ACSBG2: variants seen among roughly 807,000 people sequenced by gnomAD.
ACSBG2 encodes acyl-CoA synthetase bubblegum family member 2.
Under a neutral mutation model 74.7 loss-of-function variants are expected in ACSBG2, and 62 were observed. The observed-to-expected ratio is 0.83, with a 90% CI of 0.68 to 1.03. The LOEUF (loss-of-function observed/expected upper bound fraction) is 1.03, where lower values mean the gene tolerates loss of function less well. Among genes scored for constraint, ACSBG2 ranks in the 50% least tolerant of loss-of-function variants. The pLI is 0.00. For synonymous variants in ACSBG2, 309 were observed against 294.1 expected (o/e 1.05, Z -0.52); for missense variants, 730 against 817.6 (o/e 0.89, Z 1.31).
intron 3 of ACSBG2, among the ~76,000 whole-genome samples, chr19:6,149,827 C>T (rs1485249649): frequency 2.1e-5 from 3 of 141,626 alleles, no homozygotes; most frequent in Non-Finnish European, 4.5e-5. Flanking sequence ...CCACCCACCT[C>T]GGCCTCCCAA....
intron 13 of ACSBG2, among the ~76,000 whole-genome samples, chr19:6,189,488 C>T (rs1011709322): frequency 1.3e-5 from 2 of 151,974 alleles, no homozygotes; most frequent in South Asian, 2.1e-4. Context: ...CAAATCCTGT[C>T]CCCTCTACAC....
At position 6,188,894 on chromosome 19, in the gene ACSBG2, C is replaced by T. The variant is rs566287426; in HGVS notation, c.1927+1049C>T. On this transcript the variant is annotated intron_variant, in intron 13 of 14. Coordinates refer to ENST00000588485, the MANE Select transcript of ACSBG2 (RefSeq NM_030924.5). The stretch of plus-strand genomic sequence containing the variant: ...AGATCAGTGGGCATCAGTAGTTTCA[C>T]TGGTATGCAGGACTTGAAAGGATAT... 1.8e-4 allele frequency among the ~76,000 whole-genome samples: 28 copies of T among 152,300 alleles called. No homozygotes were observed. The South Asian group carries it at 5.4e-3, about 29-fold the overall frequency.
At chr19:6,154,975 A>G (rs997529139) in intron 4 of ACSBG2, among the ~76,000 whole-genome samples, 2 of 152,228 alleles carry the variant, frequency 1.3e-5, no homozygotes, top group Non-Finnish European at 2.9e-5. Context: ...ACACATCTCC[A>G]TGCCTCACAG....
chr19:6,185,377 G>C, intron 10 of ACSBG2, 59 bp from the exon 11 acceptor site: 1 of 1,574,442 alleles, frequency 6.4e-7, no homozygotes, highest in Non-Finnish European at 8.7e-7. Flanking sequence ...GATCCAGGCA[G>C]AGCTGGGTGG....
chr19:6,187,449 G>A (rs775682930), intron 12 of ACSBG2, 27 bp downstream of exon 12: 2 of 1,613,124 alleles, frequency 1.2e-6, no homozygotes, highest in Non-Finnish European at 1.7e-6. Context: ...GTCATTGGGG[G>A]AAGTCTCTGC....
At chr19:6,172,700 T>C (rs2145183083) in intron 7 of ACSBG2, among the ~76,000 whole-genome samples, 1 of 152,308 alleles carries the variant, frequency 6.6e-6, no homozygotes, top group East Asian at 1.9e-4. Flanking sequence ...TCATGCACTG[T>C]CAATAAACCC....
At chr19:6,166,157 T>G in intron 7 of ACSBG2, 142 bp downstream of exon 7, 2 of 1,039,202 alleles carry the variant, frequency 1.9e-6, no homozygotes, top group Non-Finnish European at 2.7e-6. Flanking sequence ...CGTAGTTGCT[T>G]CACTAGGGGG....
At chr19:6,166,125 A>G (rs113787639) in intron 7 of ACSBG2, 110 bp downstream of exon 7, 1 of 1,374,898 alleles carries the variant, frequency 7.3e-7, no homozygotes. Context: ...TGGCTCCTTC[A>G]CCATTGGGGG....
rs2089787944 is a variant in ACSBG2 at position 6,166,011 on chromosome 19, A to G, written c.734A>G (p.Asp245Gly). 1 of 1,613,830 alleles carries G rather than the reference A, an allele frequency of 6.2e-7. No homozygotes were observed. Among genetic ancestry groups the G allele is most frequent in the Admixed American group, 1.7e-5 (1 of 59,980 alleles). ...GIPKGVMLSH[D>G]NITWIAGAVT... is the part of the protein sequence containing the mutation. Reference sequence around the variant, plus strand: ...CCCAAGGGAGTGATGCTCAGTCATGACAACGTACGCCAAAGTCCCTTTGCT... The same window carrying G: ...CCCAAGGGAGTGATGCTCAGTCATGGCAACGTACGCCAAAGTCCCTTTGCT... Residue 245 changes from aspartate (D) to glycine (G), a missense_variant, in exon 7 of 15, where the codon GAC becomes GGC. Physicochemically the swap from Asp to Gly is moderately conservative, Grantham distance 94. Coordinates refer to ENST00000588485, the MANE Select transcript of ACSBG2 (RefSeq NM_030924.5).
chr19:6,151,302 G>A (rs1056711573), intron 3 of ACSBG2, among the ~76,000 whole-genome samples: 2 of 151,930 alleles, frequency 1.3e-5, no homozygotes, highest in Non-Finnish European at 2.9e-5. Context: ...CTCCCACCCC[G>A]TGTGGCTACT....
rs748717550 is a variant in ACSBG2 at position 6,187,320 on chromosome 19, C to G, written c.1578C>G (p.Pro526=). The part of the protein sequence containing the change: ...LITAGGENVP[P]IPVETLVKKK... ...CTGCTGGTGGTGAAAATGTGCCCCC[C>G]ATTCCTGTTGAGACCTTGGTTAAGA... The change falls in exon 12 of 15, where the codon CCC becomes CCG. Residue 526 remains proline (P), a synonymous_variant. Transcript: ENST00000588485. 1.2e-6 allele frequency: 2 copies of G among 1,614,172 alleles called. No individual in the cohort carries two copies. Among genetic ancestry groups the G allele is most frequent in the Non-Finnish European group, 1.7e-6 (2 of 1,180,032 alleles).
chr19:6,182,664 T>C, intron 8 of ACSBG2, 87 bp from the exon 9 acceptor site: 1 of 1,325,518 alleles, frequency 7.5e-7, no homozygotes, highest in Non-Finnish European at 1.0e-6. Context: ...AATGTTCTCT[T>C]GGGCAAAGTT....
At chr19:6,155,663 A>C (rs1472991631) in intron 4 of ACSBG2, among the ~76,000 whole-genome samples, 1 of 151,790 alleles carries the variant, frequency 6.6e-6, no homozygotes, top group African/African-American at 2.4e-5. Flanking sequence ...GGTGGTGCAT[A>C]CCTGTAATCC....
intron 4 of ACSBG2, among the ~76,000 whole-genome samples, chr19:6,153,141 G>A (rs558953506): frequency 1.9e-4 from 29 of 152,266 alleles, no homozygotes; most frequent in African/African-American, 6.7e-4. Flanking sequence ...AGCTACGCGG[G>A]AGGCTGAGGC....
At chr19:6,152,984 C>G (rs1328684906) in intron 4 of ACSBG2, among the ~76,000 whole-genome samples, 1 of 152,198 alleles carries the variant, frequency 6.6e-6, no homozygotes, top group Non-Finnish European at 1.5e-5. Context: ...TGGCTCACGC[C>G]TGTAATCCCA....
intron 7 of ACSBG2, among the ~76,000 whole-genome samples, chr19:6,176,730 G>A (rs926613704): frequency 6.6e-6 from 1 of 152,090 alleles, no homozygotes; most frequent in Non-Finnish European, 1.5e-5. Flanking sequence ...GAGAATTATA[G>A]TTACCAACCC....
At chr19:6,178,813 A>G (rs1015892772) in intron 8 of ACSBG2, among the ~76,000 whole-genome samples, 8 of 152,134 alleles carry the variant, frequency 5.3e-5, no homozygotes, top group African/African-American at 1.9e-4. Context: ...TCAGGTGAAA[A>G]CCAAAAGGAA....
At chr19:6,142,808 G>A (rs932047580) in intron 2 of ACSBG2, among the ~76,000 whole-genome samples, 51 of 151,482 alleles carry the variant, frequency 3.4e-4, no homozygotes, top group African/African-American at 1.1e-3. Flanking sequence ...AAAAGTACTT[G>A]CATTGCAAAG....
intron 7 of ACSBG2, chr19:6,176,386 T>A (rs1266408628): frequency 2.4e-5 from 37 of 1,521,874 alleles, no homozygotes; most frequent in Non-Finnish European, 3.3e-5. Flanking sequence ...CTGACCACCA[T>A]CTCATGCTTG....
Sources: allele counts gnomAD v4.1 joint callset (sites outside exome capture counted in the v4.1 genomes callset), GRCh38; gene constraint gnomAD v4.1.1; transcripts MANE v1.5; gene names NCBI Gene and HGNC (gene_info 2026-07-23, HGNC 2026-07-21).